Variants in CCSER1 observed in about 807,000 individuals in gnomAD.
CCSER1 encodes the protein coiled-coil serine rich protein 1.
Under a neutral mutation model 82.0 loss-of-function variants are expected in CCSER1, and 41 were observed. That is an observed-to-expected ratio of 0.50 (90% confidence interval 0.39 to 0.65). The LOEUF (loss-of-function observed/expected upper bound fraction) is 0.65, where lower values mean the gene tolerates loss of function less well. CCSER1 is among the 30% of genes least tolerant of loss of function. The pLI is 0.00. For synonymous variants in CCSER1, 414 were observed against 383.9 expected, an observed-to-expected ratio of 1.08 and a Z score of -0.92; for missense variants, 1,119 against 1,064.2, an observed-to-expected ratio of 1.05 and a Z score of -0.72.
intron 5 of CCSER1, among the ~76,000 whole-genome samples, chr4:90,625,425 C>T (rs1435140458): frequency 2.6e-5 from 4 of 152,182 alleles, no homozygotes; most frequent in African/African-American, 4.8e-5. Flanking sequence ...AACAGGATGG[C>T]TGTGCCGGCC....
chr4:90,918,053 T>A (rs1272183833), intron 8 of CCSER1, among the ~76,000 whole-genome samples: 1 of 152,094 alleles, frequency 6.6e-6, no homozygotes, highest in Admixed American at 6.6e-5. Context: ...TTTGCCAAAC[T>A]TTCTTTTGCA....
intron 9 of CCSER1, among the ~76,000 whole-genome samples, chr4:90,980,731 A>G (rs536092893): frequency 3.3e-5 from 5 of 151,794 alleles, no homozygotes; most frequent in South Asian, 4.1e-4. Context: ...GAGAGAAGGC[A>G]TGGAAAGACG....
chr4:90,374,238 T>C (rs1973144), intron 3 of CCSER1, among the ~76,000 whole-genome samples: 55,484 of 152,030 alleles, frequency 0.36, 10,652 homozygotes, highest in African/African-American at 0.47. Flanking sequence ...GAATTGGCAG[T>C]AAACATGTTG....
intron 8 of CCSER1, among the ~76,000 whole-genome samples, chr4:90,829,191 G>T (rs916336041): frequency 6.6e-6 from 1 of 152,034 alleles, no homozygotes; most frequent in Non-Finnish European, 1.5e-5. Context: ...AGGAAACAAC[G>T]TTCAACAAAA....
chr4:90,521,172 CCAATCTATACTA>C (rs144062002), intron 5 of CCSER1, among the ~76,000 whole-genome samples: 1,609 of 152,140 alleles, frequency 0.011, 27 homozygotes, highest in African/African-American at 0.036. Context: ...TCTTAAGTTC[CCAATCTATACTA>C]TCAATGCCTA....
chr4:91,055,924 G>A (rs1158122142), intron 9 of CCSER1, among the ~76,000 whole-genome samples: 2 of 151,676 alleles, frequency 1.3e-5, no homozygotes, highest in African/African-American at 4.8e-5. Context: ...AATTTCAATG[G>A]TCCTGTCTTC....
At chr4:90,905,683 G>A (rs1725363239) in intron 8 of CCSER1, among the ~76,000 whole-genome samples, 2 of 152,096 alleles carry the variant, frequency 1.3e-5, no homozygotes, top group Non-Finnish European at 2.9e-5. Flanking sequence ...CAGTGAAATA[G>A]CGAGAACAAT....
intron 5 of CCSER1, among the ~76,000 whole-genome samples, chr4:90,481,937 G>C (rs1766059919): frequency 6.6e-6 from 1 of 152,196 alleles, no homozygotes; most frequent in South Asian, 2.1e-4. Context: ...AATAGTTTCA[G>C]AAGGAATGGT....
chr4:91,165,889 G>A (rs1041419375), intron 10 of CCSER1, among the ~76,000 whole-genome samples: 1 of 152,166 alleles, frequency 6.6e-6, no homozygotes, highest in African/African-American at 2.4e-5. Flanking sequence ...GTGCTTCCTG[G>A]GAGAGGTGGT....
chr4:90,772,335 C>T (rs1244782446), intron 7 of CCSER1, among the ~76,000 whole-genome samples: 1 of 151,934 alleles, frequency 6.6e-6, no homozygotes, highest in Non-Finnish European at 1.5e-5. Flanking sequence ...AGGTTAATTA[C>T]TATATATTAT....
chr4:91,392,556 C>A (rs1751728979), intron 10 of CCSER1, among the ~76,000 whole-genome samples: 1 of 151,894 alleles, frequency 6.6e-6, no homozygotes, highest in Non-Finnish European at 1.5e-5. Flanking sequence ...GTTCATATAT[C>A]TGTGTGTAGC....
chr4:90,724,920 C>A (rs1743358507), intron 7 of CCSER1: 1 of 370,528 alleles, frequency 2.7e-6, no homozygotes, highest in South Asian at 2.1e-5. Context: ...ATATTGCTGT[C>A]TTGTTGAAAT....
chr4:90,772,595 T>C (rs1321809503), intron 7 of CCSER1, among the ~76,000 whole-genome samples: 1 of 152,174 alleles, frequency 6.6e-6, no homozygotes, highest in African/African-American at 2.4e-5. Flanking sequence ...TGGAAATGTT[T>C]CCATGCATGG....
At chr4:90,140,003 A>G (rs751986611) in intron 1 of CCSER1, among the ~76,000 whole-genome samples, 3 of 152,124 alleles carry the variant, frequency 2.0e-5, no homozygotes, top group Non-Finnish European at 2.9e-5. Flanking sequence ...AAAAATGAAT[A>G]AAGCAAAAGA....
intron 8 of CCSER1, among the ~76,000 whole-genome samples, chr4:90,894,549 T>G (rs576388376): frequency 1.3e-5 from 2 of 152,144 alleles, no homozygotes; most frequent in South Asian, 4.1e-4. Context: ...CTATATAGTC[T>G]ATTAGCTGCA....
At chr4:91,207,252 G>A (rs1736423425) in intron 10 of CCSER1, among the ~76,000 whole-genome samples, 3 of 151,750 alleles carry the variant, frequency 2.0e-5, no homozygotes, top group African/African-American at 7.3e-5. Flanking sequence ...TACATGTGCA[G>A]GTTTGTAAAC....
intron 10 of CCSER1, among the ~76,000 whole-genome samples, chr4:91,284,390 T>C (rs918118740): frequency 6.6e-6 from 1 of 152,102 alleles, no homozygotes; most frequent in Admixed American, 6.6e-5. Flanking sequence ...AAAATTGAAA[T>C]TAATCTATAA....
chr4:91,500,864 A>G (rs1578633122), intron 10 of CCSER1, among the ~76,000 whole-genome samples: 1 of 152,038 alleles, frequency 6.6e-6, no homozygotes, highest in South Asian at 2.1e-4. Flanking sequence ...TGATAATTAA[A>G]TGAATTAATG....
chr4:91,503,104 A>T (rs1322689467), intron 10 of CCSER1, among the ~76,000 whole-genome samples: 2 of 152,142 alleles, frequency 1.3e-5, no homozygotes, highest in Non-Finnish European at 2.9e-5. Flanking sequence ...GCACTTTGGG[A>T]GGCCGAGGCG....
Sources: allele counts gnomAD v4.1 joint callset (sites outside exome capture counted in the v4.1 genomes callset), GRCh38; gene constraint gnomAD v4.1.1; transcripts MANE v1.5; gene names NCBI Gene and HGNC (gene_info 2026-07-23, HGNC 2026-07-21).